Variants in NKAIN3 observed in about 807,000 individuals in gnomAD.
The protein encoded by NKAIN3 is sodium/potassium transporting ATPase interacting 3, also known as sodium/potassium-transporting ATPase subunit beta-1-interacting protein 3.
NKAIN3 carries 25 observed loss-of-function variants against 30.2 expected under a neutral mutation model. The observed-to-expected ratio is 0.83, with a 90% CI of 0.60 to 1.16. The LOEUF (loss-of-function observed/expected upper bound fraction) is 1.16. NKAIN3 is among the 50% of genes most tolerant of loss of function. NKAIN3 has a pLI of 0.00. For synonymous variants in NKAIN3, 91 were observed against 89.6 expected (o/e 1.02, Z -0.09); for missense variants, 225 against 254.1 (o/e 0.89, Z 0.78).
intron 1 of NKAIN3, among the ~76,000 whole-genome samples, chr8:62,509,367 G>A (rs777338755): frequency 1.2e-4 from 18 of 151,980 alleles, no homozygotes; most frequent in Admixed American, 7.9e-4. Context: ...AGTTCCATCC[G>A]GCAAGATATG....
intron 4 of NKAIN3, among the ~76,000 whole-genome samples, chr8:62,812,212 C>G (rs962861042): frequency 6.6e-6 from 1 of 151,914 alleles, no homozygotes; most frequent in African/African-American, 2.4e-5. Context: ...ATCTCTTCAT[C>G]AGTACCACAC....
At chr8:62,612,923 C>T (rs1301451849) in intron 3 of NKAIN3, among the ~76,000 whole-genome samples, 1 of 151,912 alleles carries the variant, frequency 6.6e-6, no homozygotes, top group Non-Finnish European at 1.5e-5. Flanking sequence ...CCTTCCTATC[C>T]TTGCTTTTTA....
At chr8:62,412,697 C>T (rs901559657) in intron 1 of NKAIN3, among the ~76,000 whole-genome samples, 6 of 151,304 alleles carry the variant, frequency 4.0e-5, no homozygotes, top group African/African-American at 1.2e-4. Context: ...GAGTTTGAGA[C>T]CAGCCTGGCC....
chr8:62,357,902 A>G (rs183512393), intron 1 of NKAIN3, among the ~76,000 whole-genome samples: 44 of 152,352 alleles, frequency 2.9e-4, no homozygotes, highest in African/African-American at 1.0e-3. Flanking sequence ...AGATGATAAC[A>G]TATCACCTTA....
intron 1 of NKAIN3, chr8:62,473,140 CTG>C (rs1037733659): frequency 2.0e-5 from 3 of 152,336 alleles, no homozygotes; most frequent in South Asian, 4.1e-4. Flanking sequence ...CATTCAGAAA[CTG>C]TGCCTTCTGT....
chr8:62,927,961 TG>T (rs1822499963), intron 5 of NKAIN3, among the ~76,000 whole-genome samples: 1 of 152,214 alleles, frequency 6.6e-6, no homozygotes, highest in Admixed American at 6.5e-5. Context: ...AATGGAGATC[TG>T]ATTTTACACT....
At chr8:62,779,254 G>A (rs1442931245) in intron 4 of NKAIN3, among the ~76,000 whole-genome samples, 1 of 152,006 alleles carries the variant, frequency 6.6e-6, no homozygotes, top group African/African-American at 2.4e-5. Flanking sequence ...AAGTTCACTG[G>A]CACCAAAGTC....
At chr8:62,321,721 A>AG (rs200633106) in intron 1 of NKAIN3, among the ~76,000 whole-genome samples, 5,333 of 152,090 alleles carry the variant, frequency 0.035, 334 homozygotes, top group African/African-American at 0.12. Context: ...TGGCTGTGTG[A>AG]GGTGTCAGTC....
At chr8:62,693,823 T>A (rs942229408) in intron 3 of NKAIN3, among the ~76,000 whole-genome samples, 4 of 152,166 alleles carry the variant, frequency 2.6e-5, no homozygotes, top group Non-Finnish European at 4.4e-5. Flanking sequence ...AGGGGAAACA[T>A]GAGACCAATA....
rs932489673 is a variant in NKAIN3, at chr8:62,935,189, G to T, written c.532+16676G>T. ...CAACCAAACACAAGTACAAGTTCGT[G>T]AAAGTTCCACAGGGACACAACACTG... On this transcript the variant is annotated intron_variant, in intron 5 of 6. Transcript: ENST00000623646. 2.6e-5 allele frequency among the ~76,000 whole-genome samples: 4 copies of T among 152,148 alleles called. 1 individual carries two copies. Among genetic ancestry groups the T allele is most frequent in the African/African-American group, 9.7e-5 (4 of 41,408 alleles).
At chr8:62,278,535 G>C (rs540130079) in intron 1 of NKAIN3, among the ~76,000 whole-genome samples, 1 of 151,710 alleles carries the variant, frequency 6.6e-6, no homozygotes, top group Non-Finnish European at 1.5e-5. Context: ...CCACTCCCCC[G>C]ACCCCATGAC....
intron 3 of NKAIN3, among the ~76,000 whole-genome samples, chr8:62,623,891 T>A (rs573851680): frequency 6.6e-6 from 1 of 152,158 alleles, no homozygotes; most frequent in South Asian, 2.1e-4. Context: ...GCAGTGTGAG[T>A]TACTCAACTG....
intron 2 of NKAIN3, among the ~76,000 whole-genome samples, chr8:62,585,641 G>T (rs1277778115): frequency 6.6e-6 from 1 of 152,108 alleles, no homozygotes; most frequent in Non-Finnish European, 1.5e-5. Context: ...AATAGGGCTT[G>T]TGTTCCTATG....
intron 6 of NKAIN3, among the ~76,000 whole-genome samples, chr8:62,960,615 T>C (rs970447422): frequency 2.6e-5 from 4 of 151,932 alleles, no homozygotes; most frequent in Non-Finnish European, 4.4e-5. Flanking sequence ...CCAAATTTTA[T>C]GTTAAATACA....
Position 62,845,085 on chromosome 8 carries a change from T to C in NKAIN3, c.472-73368T>C, listed in dbSNP as rs191852155. 2.4e-3 allele frequency among the ~76,000 whole-genome samples: 361 copies of C among 151,738 alleles called. 1 individual carries two copies. The highest frequency in any genetic ancestry group is 4.1e-3 in the Non-Finnish European group (276 of 67,918). ...AACCACTGCCCCGACCTAGAACATA[T>C]TTGGACATCACTAGAAATAAAAAAA... On this transcript the variant is annotated intron_variant, in intron 4 of 6. Transcript: ENST00000623646.
Position 62,666,893 on chromosome 8 carries a change from C to G in NKAIN3, c.273+77099C>G, listed in dbSNP as rs1813121523. The stretch of plus-strand genomic sequence containing the variant: ...TGATTGAATGTCATCACTGCCAATC[C>G]TTTCTTTCCTCTGATGCACATGCCC... On this transcript the variant is annotated intron_variant, in intron 3 of 6. Coordinates refer to ENST00000623646, the MANE Select transcript of NKAIN3 (RefSeq NM_001304533.3). 3.9e-5 allele frequency among the ~76,000 whole-genome samples: 6 copies of G among 152,226 alleles called. No homozygotes were observed. In the South Asian group the frequency reaches 1.2e-3, roughly 32 times the overall value.
At chr8:62,615,375 C>G (rs1811420445) in intron 3 of NKAIN3, among the ~76,000 whole-genome samples, 1 of 152,120 alleles carries the variant, frequency 6.6e-6, no homozygotes, top group Non-Finnish European at 1.5e-5. Flanking sequence ...AATCTTGCCC[C>G]TCCTCTCCTC....
chr8:62,819,165 AT>A (rs1818778864), intron 4 of NKAIN3, among the ~76,000 whole-genome samples: 2 of 148,748 alleles, frequency 1.3e-5, no homozygotes, highest in South Asian at 2.1e-4. Context: ...ATATATATAT[AT>A]AATTGTTATT....
intron 4 of NKAIN3, among the ~76,000 whole-genome samples, chr8:62,823,935 T>C (rs1818936313): frequency 6.6e-6 from 1 of 152,114 alleles, no homozygotes; most frequent in Non-Finnish European, 1.5e-5. Context: ...ATACAAGAAA[T>C]TTAATGGCAT....
Sources: gnomAD v4.1 joint callset for allele counts (sites outside exome capture counted in the v4.1 genomes callset) on GRCh38, gnomAD v4.1.1 for gene constraint, MANE v1.5 for transcripts, NCBI Gene and HGNC (gene_info 2026-07-23, HGNC 2026-07-21) for gene names.